Variants in RNF20 observed in about 807,000 individuals in gnomAD.
RNF20 encodes E3 ubiquitin-protein ligase BRE1A.
A neutral mutation model predicts 126.2 loss-of-function variants in RNF20; 84 were observed. That is an observed-to-expected ratio of 0.67 (90% CI 0.56 to 0.80). RNF20 has a LOEUF of 0.80. RNF20 is among the 30% of genes least tolerant of loss of function. The pLI, the probability that RNF20 is intolerant of heterozygous loss-of-function variation, is 0.00. For missense variants in RNF20, 869 were observed against 1,188.2 expected, an observed-to-expected ratio of 0.73 and a Z score of 3.95; for synonymous variants, 400 against 414.3, an observed-to-expected ratio of 0.97 and a Z score of 0.42.
Position 101,547,448 on chromosome 9 carries a change from A to G in RNF20, c.1022A>G (p.Asn341Ser). 6.2e-7 allele frequency: 1 copy of G among 1,614,174 alleles called. No individual in the cohort carries two copies. Residue 341 changes from asparagine (N) to serine (S), a missense_variant, in exon 9 of 20, where the codon AAC becomes AGC. Transcript: ENST00000389120. ...ELEENKELAQ[N>S]RLCELEKLRQ... ...GAGGAGAACAAAGAGTTGGCTCAGA[A>G]CCGTCTCTGTGAGCTGGAGAAACTT...
chr9:101,551,954 G>T, intron 11 of RNF20, 135 bp downstream of exon 11: 1 of 1,285,668 alleles, frequency 7.8e-7, no homozygotes, highest in Non-Finnish European at 1.1e-6. Context: ...AATTCATTTT[G>T]GTTCACAGCC....
Position 101,557,518 on chromosome 9 carries a change from C to G in RNF20, c.2304C>G (p.Ile768Met). 1 of 1,614,012 alleles carries G rather than the reference C, an allele frequency of 6.2e-7. No homozygotes were observed. The highest frequency in any genetic ancestry group is 8.5e-7 in the Non-Finnish European group (1 of 1,179,934). ...DANFKLMSER[I>M]KSNQIHKLLK... ...ATTTCAAGCTCATGTCAGAGCGTATCAAGTCCAATCAGATCCATAAGTTGC... is the reference window on the plus strand; with the variant it reads ...ATTTCAAGCTCATGTCAGAGCGTATGAAGTCCAATCAGATCCATAAGTTGC... Residue 768 changes from isoleucine (I) to methionine (M), a missense_variant, in exon 16 of 20, where the codon ATC becomes ATG. Coordinates refer to ENST00000389120, the MANE Select transcript of RNF20 (RefSeq NM_019592.7).
At chr9:101,544,426 C>T (rs185080725) in intron 5 of RNF20, among the ~76,000 whole-genome samples, 4 of 152,288 alleles carry the variant, frequency 2.6e-5, no homozygotes, top group African/African-American at 9.6e-5. Context: ...ACACTATAGG[C>T]CAGGCACGGT....
intron 6 of RNF20, 81 bp from the exon 7 acceptor site, chr9:101,546,739 T>A: frequency 6.9e-7 from 1 of 1,439,818 alleles, no homozygotes; most frequent in Non-Finnish European, 9.6e-7. Context: ...TTTTCTATAA[T>A]TACTCATAAG....
chr9:101,550,453 T>G (rs1827424408), intron 9 of RNF20, among the ~76,000 whole-genome samples, 153 bp from the exon 10 acceptor site: 1 of 152,184 alleles, frequency 6.6e-6, no homozygotes, highest in South Asian at 2.1e-4. Context: ...GGGGTAGATT[T>G]TACATAACTA....
intron 18 of RNF20, chr9:101,561,575 C>T (rs1052031414): frequency 1.8e-5 from 7 of 393,150 alleles, no homozygotes; most frequent in East Asian, 5.3e-5. Flanking sequence ...TGTCTTTATC[C>T]GTAAGTCTCT....
chr9:101,556,524 T>G (rs1221069048), intron 15 of RNF20, among the ~76,000 whole-genome samples: 1 of 152,152 alleles, frequency 6.6e-6, no homozygotes, highest in Non-Finnish European at 1.5e-5. Context: ...TTGAATACAC[T>G]AGGATGATTT....
chr9:101,550,563 A>G (rs1417167222), intron 9 of RNF20, 43 bp from the exon 10 acceptor site: 7 of 1,554,954 alleles, frequency 4.5e-6, no homozygotes, highest in Admixed American at 1.8e-5. Context: ...CGTCTGGGGC[A>G]ATGCTAGATT....
At chr9:101,544,641 A>T in intron 5 of RNF20, 126 bp from the exon 6 acceptor site, 1 of 605,066 alleles carries the variant, frequency 1.7e-6, no homozygotes, top group Non-Finnish European at 2.9e-6. Flanking sequence ...CTGGAGGCAG[A>T]GGTTGCAGTG....
At chr9:101,540,742 T>C in intron 4 of RNF20, 51 bp from the exon 5 acceptor site, 1 of 1,593,308 alleles carries the variant, frequency 6.3e-7, no homozygotes, top group Non-Finnish European at 8.5e-7. Flanking sequence ...GATTTTGTTA[T>C]TTCCAGTTTA....
At chr9:101,538,433 G>A (rs775475954) in intron 2 of RNF20, among the ~76,000 whole-genome samples, 63 of 152,296 alleles carry the variant, frequency 4.1e-4, no homozygotes, top group Admixed American at 1.2e-3. Context: ...GGCGGCAGGT[G>A]GTATAGGCTA....
chr9:101,535,359 T>C (rs1003909936), intron 1 of RNF20, 39 bp from the exon 2 acceptor site: 2 of 1,545,152 alleles, frequency 1.3e-6, no homozygotes, highest in African/African-American at 2.8e-5. Context: ...TTGCTTTGCT[T>C]ACATATATTA....
chr9:101,548,794 G>A (rs1827394682), intron 9 of RNF20, among the ~76,000 whole-genome samples: 1 of 152,168 alleles, frequency 6.6e-6, no homozygotes. Context: ...AAAATGAGAA[G>A]TAGGGTAAAC....
intron 13 of RNF20, 24 bp downstream of exon 13, chr9:101,552,777 A>G (rs1196889084): frequency 1.6e-5 from 25 of 1,567,062 alleles, no homozygotes; most frequent in Non-Finnish European, 2.1e-5. Context: ...TTAGAGTAAC[A>G]GTTTCGACTG....
chr9:101,561,340 TGAG>T, intron 18 of RNF20, 110 bp downstream of exon 18: 2 of 1,173,296 alleles, frequency 1.7e-6, no homozygotes, highest in South Asian at 1.5e-5. Context: ...CTACTAGACT[TGAG>T]GAAGTTTGTT....
intron 9 of RNF20, among the ~76,000 whole-genome samples, chr9:101,549,081 C>G (rs569770282): frequency 6.6e-6 from 1 of 152,032 alleles, no homozygotes; most frequent in Non-Finnish European, 1.5e-5. Context: ...TGTGCGGAGA[C>G]GAGAGAGTGT....
Position 101,552,393 on chromosome 9 carries a change from G to C in RNF20, c.1541G>C (p.Arg514Pro). The C allele has an allele frequency of 8.1e-6, 13 of 1,605,542 alleles. No homozygotes were observed. The highest frequency in any genetic ancestry group is 1.1e-5 in the Non-Finnish European group (13 of 1,174,196). The change falls in exon 13 of 20, where the codon CGT becomes CCT. Residue 514 changes from arginine (R) to proline (P), a missense_variant. Physicochemically the swap from Arg to Pro is moderately radical, Grantham distance 103. Coordinates refer to ENST00000389120, the MANE Select transcript of RNF20 (RefSeq NM_019592.7). ...AQSDLNKTRL[R>P]SGSALLQSQS... ...TCTTTATTCTCCCAGACACGCCTGC[G>C]TAGTGGTAGTGCCCTCCTGCAGTCC...
At chr9:101,541,617 G>C (rs942008055) in intron 5 of RNF20, among the ~76,000 whole-genome samples, 1 of 151,996 alleles carries the variant, frequency 6.6e-6, no homozygotes, top group Non-Finnish European at 1.5e-5. Context: ...GTGTATGTAG[G>C]CTATTGATTT....
At chr9:101,557,838 C>G (rs1827560105) in intron 16 of RNF20, among the ~76,000 whole-genome samples, 1 of 151,968 alleles carries the variant, frequency 6.6e-6, no homozygotes, top group South Asian at 2.1e-4. Flanking sequence ...GAAATAAAAT[C>G]AAGTGACGTG....
Sources: allele counts gnomAD v4.1 joint callset (sites outside exome capture counted in the v4.1 genomes callset), GRCh38; gene constraint gnomAD v4.1.1; transcripts MANE v1.5; gene names NCBI Gene and HGNC (gene_info 2026-07-23, HGNC 2026-07-21).